Variants in TENM3 observed in about 807,000 individuals in gnomAD.
The protein encoded by TENM3 is teneurin-3.
Under a neutral mutation model 255.1 loss-of-function variants are expected in TENM3, and 63 were observed. That is an observed-to-expected ratio of 0.25 (90% CI 0.20 to 0.30). TENM3 has a LOEUF of 0.30. TENM3 is among the 10% of genes least tolerant of loss of function. The pLI, the probability that TENM3 is intolerant of heterozygous loss-of-function variation, is 1.00. For missense variants in TENM3, 2,929 were observed against 3,461.1 expected (o/e 0.85, Z 3.86); for synonymous variants, 1,306 against 1,322.3 (o/e 0.99, Z 0.27).
intron 3 of TENM3, among the ~76,000 whole-genome samples, chr4:182,453,964 A>C (rs1773682043): frequency 6.6e-6 from 1 of 152,178 alleles, no homozygotes; most frequent in Admixed American, 6.5e-5. Context: ...CTGAGCTCTT[A>C]AAAGTTTATT....
the TENM3 span, among the ~76,000 whole-genome samples, chr4:182,027,287 G>A: frequency 6.6e-6 from 1 of 152,026 alleles, no homozygotes; most frequent in Non-Finnish European, 1.5e-5. Flanking sequence ...CTCACCGTTG[G>A]CATATAGAAG....
chr4:181,786,127 C>T, the TENM3 span, among the ~76,000 whole-genome samples: 2 of 152,060 alleles, frequency 1.3e-5, no homozygotes, highest in Non-Finnish European at 2.9e-5. Context: ...AGAAAAATCC[C>T]GTCTAAGAGA....
chr4:182,434,474 C>G (rs141781134), intron 3 of TENM3, among the ~76,000 whole-genome samples: 1 of 152,140 alleles, frequency 6.6e-6, no homozygotes, highest in East Asian at 1.9e-4. Context: ...AAAAGCCTGG[C>G]CAACATGGTG....
chr4:181,770,959 C>G, the TENM3 span, among the ~76,000 whole-genome samples: 30 of 152,266 alleles, frequency 2.0e-4, no homozygotes, highest in African/African-American at 6.5e-4. Context: ...ATTGTTGTCC[C>G]TATTTAACAG....
the TENM3 span, among the ~76,000 whole-genome samples, chr4:181,753,747 G>T: frequency 6.6e-6 from 1 of 152,166 alleles, no homozygotes; most frequent in Non-Finnish European, 1.5e-5. Flanking sequence ...AATGTTTTAG[G>T]TACTGCTTAT....
intron 1 of TENM3, among the ~76,000 whole-genome samples, chr4:182,303,179 C>G (rs1274592102): frequency 6.6e-6 from 1 of 152,072 alleles, no homozygotes; most frequent in Non-Finnish European, 1.5e-5. Context: ...ATCTGTTTTG[C>G]ATTTAAACAT....
At chr4:182,323,816 C>A (rs1023001406) in intron 1 of TENM3, 130 bp from the exon 2 acceptor site, 34 of 586,134 alleles carry the variant, frequency 5.8e-5, no homozygotes, top group Middle Eastern at 4.5e-4. Flanking sequence ...ATACTAATTT[C>A]TTGTTGAAAG....
intron 22 of TENM3, 99 bp from the exon 23 acceptor site, chr4:182,773,373 T>G: frequency 9.0e-7 from 1 of 1,110,862 alleles, no homozygotes; most frequent in Non-Finnish European, 1.3e-6. Flanking sequence ...CAAATAGTCC[T>G]CCAAATTTGT....
At chr4:181,720,980 C>T in the TENM3 span, among the ~76,000 whole-genome samples, 1 of 151,932 alleles carries the variant, frequency 6.6e-6, no homozygotes, top group Non-Finnish European at 1.5e-5. Context: ...CAAAACAGGG[C>T]CTGCCAGAAG....
At chr4:181,708,885 G>T in the TENM3 span, among the ~76,000 whole-genome samples, 1 of 152,168 alleles carries the variant, frequency 6.6e-6, no homozygotes, top group African/African-American at 2.4e-5. Context: ...AATGTTCTGG[G>T]TTGCCAAAAA....
chr4:182,514,020 C>T (rs1043580029), intron 3 of TENM3, among the ~76,000 whole-genome samples: 3 of 152,238 alleles, frequency 2.0e-5, no homozygotes, highest in African/African-American at 7.2e-5. Flanking sequence ...GGTTTCCCCT[C>T]TCTCCCTCTG....
intron 12 of TENM3, among the ~76,000 whole-genome samples, chr4:182,696,817 C>T (rs1319524731): frequency 1.3e-5 from 2 of 151,788 alleles, no homozygotes; most frequent in Non-Finnish European, 2.9e-5. Context: ...ATTCTAAATA[C>T]TTTTATACCT....
chr4:182,714,694 G>A (rs940904366), intron 13 of TENM3, among the ~76,000 whole-genome samples: 1 of 152,148 alleles, frequency 6.6e-6, no homozygotes, highest in Non-Finnish European at 1.5e-5. Flanking sequence ...CTCTAGTGAC[G>A]TTTTATCCTT....
the TENM3 span, among the ~76,000 whole-genome samples, chr4:181,970,022 A>C: frequency 6.6e-6 from 1 of 152,250 alleles, no homozygotes; most frequent in African/African-American, 2.4e-5. Context: ...ACTTGCAAAG[A>C]CAGCTCCCCA....
At chr4:181,579,874 C>T in the TENM3 span, among the ~76,000 whole-genome samples, 1 of 152,018 alleles carries the variant, frequency 6.6e-6, no homozygotes, top group African/African-American at 2.4e-5. Context: ...TTCAAGGTGC[C>T]CAGGACCATC....
the TENM3 span, among the ~76,000 whole-genome samples, chr4:181,703,961 C>T: frequency 6.6e-6 from 1 of 152,108 alleles, no homozygotes; most frequent in African/African-American, 2.4e-5. Flanking sequence ...AAAGGCTTGT[C>T]CCAGGCATAC....
At chr4:182,513,779 T>C (rs1038873409) in intron 3 of TENM3, among the ~76,000 whole-genome samples, 1 of 152,086 alleles carries the variant, frequency 6.6e-6, no homozygotes, top group Non-Finnish European at 1.5e-5. Flanking sequence ...CGCCCACAAG[T>C]GCACTTTTCC....
the TENM3 span, among the ~76,000 whole-genome samples, chr4:182,113,836 A>G: frequency 3.9e-5 from 6 of 152,184 alleles, no homozygotes; most frequent in Non-Finnish European, 8.8e-5. Context: ...CACTCTTGCT[A>G]CTTTTAAACA....
At chr4:182,106,794 G>A in the TENM3 span, among the ~76,000 whole-genome samples, 1 of 152,090 alleles carries the variant, frequency 6.6e-6, no homozygotes, top group East Asian at 1.9e-4. Context: ...ATTGGTATTA[G>A]CATCAGTATC....
Sources: gnomAD v4.1 joint callset for allele counts (sites outside exome capture counted in the v4.1 genomes callset) on GRCh38, gnomAD v4.1.1 for gene constraint, MANE v1.5 for transcripts, NCBI Gene and HGNC (gene_info 2026-07-23, HGNC 2026-07-21) for gene names.